Variants in PTPN14 observed in about 807,000 individuals in gnomAD.
PTPN14 encodes the protein protein tyrosine phosphatase non-receptor type 14, also known as tyrosine-protein phosphatase non-receptor type 14.
In PTPN14, 53 loss-of-function variants were observed where a neutral mutation model predicts 126.8. That is an observed-to-expected ratio of 0.42 (90% CI 0.34 to 0.53). The LOEUF is 0.53. PTPN14 is among the 20% of genes least tolerant of loss of function. The pLI, the probability that PTPN14 is intolerant of heterozygous loss-of-function variation, is 0.08. For synonymous variants in PTPN14, 630 were observed against 599.3 expected (o/e 1.05, Z -0.75); for missense variants, 1,257 against 1,552.9 (o/e 0.81, Z 3.20).
Position 214,384,160 on chromosome 1 carries a change from C to A in PTPN14, c.1695G>T (p.Arg565Ser). 6.3e-7 allele frequency: 1 copy of A among 1,586,912 alleles called. No homozygotes were observed. The highest frequency in any genetic ancestry group is 8.6e-7 in the Non-Finnish European group (1 of 1,168,562). The change falls in exon 13 of 19, where the codon AGG becomes AGT. Residue 565 changes from arginine to serine, a missense_variant. Arg to Ser is a moderately radical substitution (Grantham distance 110). Transcript: ENST00000366956. The surrounding 1 kb of genome is among the most constrained non-coding windows in gnomAD (Gnocchi z 5.3). The part of the protein sequence containing the change: ...TAHMLKNYLF[R>S]PPPPYPRPRP... ...GTGGCCGTGGGTAGGGGGGCGGTGG[C>A]CTGAAGAGATAGTTCTTAAGCATGT... is the stretch of plus-strand genomic sequence containing the variant.
intron 17 of PTPN14, among the ~76,000 whole-genome samples, chr1:214,366,096 T>C (rs1658073711): frequency 6.6e-6 from 1 of 151,994 alleles, no homozygotes; most frequent in African/African-American, 2.4e-5. Flanking sequence ...GAGAATTGCT[T>C]AAAAACTGGA....
intron 1 of PTPN14, among the ~76,000 whole-genome samples, chr1:214,486,903 A>C (rs370850820): frequency 2.2e-4 from 14 of 64,252 alleles, no homozygotes; most frequent in African/African-American, 9.9e-4. Flanking sequence ...ATCTCCGTAA[A>C]TCTGGAAAAG....
intron 3 of PTPN14, among the ~76,000 whole-genome samples, chr1:214,436,662 C>T (rs1659923602): frequency 6.6e-6 from 1 of 151,952 alleles, no homozygotes; most frequent in Non-Finnish European, 1.5e-5. Context: ...TGGTGGGCGC[C>T]TGTAATCCCA....
intron 1 of PTPN14, among the ~76,000 whole-genome samples, chr1:214,525,072 T>C (rs1278736288): frequency 6.6e-6 from 1 of 152,186 alleles, no homozygotes; most frequent in African/African-American, 2.4e-5. Flanking sequence ...AGGAGGTATA[T>C]ATGTAACATA....
Position 214,357,652 on chromosome 1 carries a change from C to T in PTPN14, c.*270G>A, listed in dbSNP as rs1558067161. ...TGCTGACATATATTACAATACAGAT[C>T]AGTCAAGATGTGGTTCAAATGAAAA... On this transcript the variant is annotated 3_prime_UTR_variant, in exon 19 of 19. Transcript: ENST00000366956. 1.6e-5 allele frequency: 4 copies of T among 251,208 alleles called. No homozygotes were observed. Among genetic ancestry groups the T allele is most frequent in the Non-Finnish European group, 3.1e-5 (4 of 130,474 alleles). 15.6% of individuals were successfully genotyped at this position (251,208 alleles called of 1,614,324 possible). A position where few individuals can be genotyped will look rare whatever the true frequency, so the allele number is the denominator to read the frequency against.
At chr1:214,509,780 C>T (rs1365802352) in intron 1 of PTPN14, among the ~76,000 whole-genome samples, 2 of 152,160 alleles carry the variant, frequency 1.3e-5, no homozygotes, top group Admixed American at 6.5e-5. Context: ...AAATGTGGCA[C>T]ATATACACCA....
At chr1:214,471,599 T>C (rs528133898) in intron 1 of PTPN14, among the ~76,000 whole-genome samples, 1 of 152,248 alleles carries the variant, frequency 6.6e-6, no homozygotes, top group African/African-American at 2.4e-5. Context: ...TGACCTACTG[T>C]AGAGAAAGTC....
chr1:214,449,336 T>C (rs1369352310), intron 3 of PTPN14, among the ~76,000 whole-genome samples: 9 of 152,196 alleles, frequency 5.9e-5, no homozygotes, highest in Non-Finnish European at 1.0e-4. Flanking sequence ...AAACAACCTT[T>C]TTCTTTTAAC....
chr1:214,423,206 G>C (rs1659583067), intron 3 of PTPN14, among the ~76,000 whole-genome samples: 1 of 152,086 alleles, frequency 6.6e-6, no homozygotes, highest in Non-Finnish European at 1.5e-5. Flanking sequence ...TGCACCTATT[G>C]TCCCAGCTAC....
intron 1 of PTPN14, among the ~76,000 whole-genome samples, chr1:214,498,989 T>C (rs1654613712): frequency 6.6e-6 from 1 of 152,098 alleles, no homozygotes; most frequent in African/African-American, 2.4e-5. Context: ...TTTTATTTTA[T>C]AGAGACAGTC....
intron 1 of PTPN14, among the ~76,000 whole-genome samples, chr1:214,487,031 G>GA (rs1224942070): frequency 6.6e-6 from 1 of 151,706 alleles, no homozygotes; most frequent in Non-Finnish European, 1.5e-5. Context: ...ATAAATACTG[G>GA]AAAAAAATCT....
intron 3 of PTPN14, 61 bp downstream of exon 3, chr1:214,451,744 A>C: frequency 6.4e-7 from 1 of 1,559,900 alleles, no homozygotes; most frequent in Non-Finnish European, 8.7e-7. Flanking sequence ...CATCTACTTC[A>C]TTGGAAGCTT....
chr1:214,505,058 C>T (rs1023209259), intron 1 of PTPN14, among the ~76,000 whole-genome samples: 3 of 152,028 alleles, frequency 2.0e-5, no homozygotes, highest in African/African-American at 7.3e-5. Flanking sequence ...ATACTTGTGG[C>T]CAGTCTCATG....
intron 1 of PTPN14, among the ~76,000 whole-genome samples, chr1:214,500,297 C>T (rs1240357070): frequency 6.6e-6 from 1 of 150,800 alleles, no homozygotes; most frequent in Non-Finnish European, 1.5e-5. Flanking sequence ...TGGACACAAA[C>T]TCTTAATTAG....
chr1:214,400,905 C>T (rs61637044), intron 7 of PTPN14, among the ~76,000 whole-genome samples: 6,501 of 152,238 alleles, frequency 0.043, 435 homozygotes, highest in African/African-American at 0.15. Flanking sequence ...AGAGGGGGAA[C>T]TGAACACTTA....
chr1:214,544,834 AAG>A (rs1655929110), intron 1 of PTPN14, among the ~76,000 whole-genome samples: 1 of 151,806 alleles, frequency 6.6e-6, no homozygotes, highest in African/African-American at 2.4e-5. Flanking sequence ...AGAGAGAAAA[AAG>A]AGGAGGGAAG....
At chr1:214,394,806 C>T in intron 9 of PTPN14, 93 bp downstream of exon 9, 4 of 1,111,506 alleles carry the variant, frequency 3.6e-6, no homozygotes, top group Non-Finnish European at 5.5e-6. Context: ...TTTATTATCT[C>T]AAGATAGGGA....
rs140755177 is a variant in PTPN14, at chr1:214,543,825, T to G, written c.-155+7358A>C. On this transcript the variant is annotated intron_variant, in intron 1 of 18. Transcript: ENST00000366956. ...GTAGAGACGGGGGTTATTACTATGT[T>G]GGCCAGGATGGTCTCGATCTCTTGA... Among the ~76,000 whole-genome samples, 101 of 152,270 alleles carry G rather than the reference T, an allele frequency of 6.6e-4. 2 individuals carry two copies. The East Asian group carries it at 0.019, about 29-fold the overall frequency.
chr1:214,509,703 G>GC (rs1436368618), intron 1 of PTPN14, among the ~76,000 whole-genome samples: 1 of 152,148 alleles, frequency 6.6e-6, no homozygotes, highest in Admixed American at 6.5e-5. Flanking sequence ...GTTTATTGCA[G>GC]CACTATTCAC....
Sources: gnomAD v4.1 joint callset for allele counts (sites outside exome capture counted in the v4.1 genomes callset) on GRCh38, gnomAD v4.1.1 for gene constraint, Gnocchi (gnomAD v3.1) non-coding constraint, MANE v1.5 for transcripts, NCBI Gene and HGNC (gene_info 2026-07-23, HGNC 2026-07-21) for gene names.